Variants in NAV2 observed in about 807,000 individuals in gnomAD.
NAV2 encodes neuron navigator 2, also known as helicase, APC down-regulated 1.
Under a neutral mutation model 223.2 loss-of-function variants are expected in NAV2, and 54 were observed. The ratio of observed to expected loss-of-function variants is 0.24; its 90% CI spans 0.19 to 0.30. The LOEUF (loss-of-function observed/expected upper bound fraction) is 0.30. Ranked by LOEUF, NAV2 falls within the 10% of genes least tolerant of loss-of-function variation. The pLI, the probability that NAV2 is intolerant of heterozygous loss-of-function variation, is 1.00. For missense variants in NAV2, 2,806 were observed against 3,147.5 expected (o/e 0.89, Z 2.60); for synonymous variants, 1,279 against 1,239.3 (o/e 1.03, Z -0.67).
At chr11:19,655,742 TGGGGTGG>T (rs2048105476) in intron 1 of NAV2, among the ~76,000 whole-genome samples, 1 of 75,014 alleles carries the variant, frequency 1.3e-5, no homozygotes, top group Non-Finnish European at 2.4e-5. Context: ...GGGCCTGTTT[TGGGGTGG>T]GGGGAGGGGG....
intron 1 of NAV2, among the ~76,000 whole-genome samples, chr11:19,773,248 C>T (rs543031522): frequency 5.3e-5 from 8 of 152,270 alleles, no homozygotes; most frequent in African/African-American, 1.9e-4. Context: ...AGTGATTGAA[C>T]GATGTGGGAC....
At chr11:20,056,685 G>T (rs1353456436) in intron 19 of NAV2, 1 of 1,144,078 alleles carries the variant, frequency 8.7e-7, no homozygotes, top group East Asian at 2.4e-5. Flanking sequence ...TGAAGATGGG[G>T]CTGATGGGAC....
intron 1 of NAV2, among the ~76,000 whole-genome samples, chr11:19,527,971 C>A (rs2043896901): frequency 6.7e-6 from 1 of 149,462 alleles, no homozygotes; most frequent in Non-Finnish European, 1.5e-5. Flanking sequence ...CACACACACA[C>A]AATCCTGGGA....
intron 1 of NAV2, among the ~76,000 whole-genome samples, chr11:19,608,532 T>C (rs2046542877): frequency 6.6e-6 from 1 of 152,260 alleles, no homozygotes; most frequent in African/African-American, 2.4e-5. Flanking sequence ...TGACAGTGTT[T>C]ATTTATTTTG....
chr11:19,362,735 G>T (rs974807346), intron 1 of NAV2, among the ~76,000 whole-genome samples: 26 of 152,202 alleles, frequency 1.7e-4, no homozygotes, highest in Middle Eastern at 3.4e-3. Context: ...TCTTCTCTGT[G>T]CCTCAGTTTC....
intron 1 of NAV2, among the ~76,000 whole-genome samples, chr11:19,412,736 C>T (rs187322560): frequency 1.7e-4 from 26 of 152,354 alleles, no homozygotes; most frequent in African/African-American, 6.3e-4. Context: ...AAACAGGCAG[C>T]AATCTTTGCT....
At chr11:19,534,755 C>T (rs2044133990) in intron 1 of NAV2, among the ~76,000 whole-genome samples, 1 of 152,150 alleles carries the variant, frequency 6.6e-6, no homozygotes, top group Non-Finnish European at 1.5e-5. Context: ...ACTGAGAGAC[C>T]TTGCATTCCA....
chr11:20,084,666 T>A (rs1288852326), intron 26 of NAV2, among the ~76,000 whole-genome samples: 1 of 152,084 alleles, frequency 6.6e-6, no homozygotes, highest in African/African-American at 2.4e-5. Context: ...TTAGACAAAT[T>A]ACTGAGAGAG....
intron 1 of NAV2, among the ~76,000 whole-genome samples, chr11:19,513,045 T>C (rs2043329610): frequency 6.6e-6 from 1 of 152,146 alleles, no homozygotes; most frequent in South Asian, 2.1e-4. Context: ...AGGGGCGGTG[T>C]GGAGGGCTGA....
intron 1 of NAV2, among the ~76,000 whole-genome samples, chr11:19,571,407 T>A (rs531155024): frequency 6.6e-6 from 1 of 152,202 alleles, no homozygotes. Flanking sequence ...GTCACTGAAT[T>A]GTACACTTTA....
At chr11:19,935,908 A>G (rs1224060899) in intron 7 of NAV2, among the ~76,000 whole-genome samples, 1 of 119,000 alleles carries the variant, frequency 8.4e-6, no homozygotes, top group African/African-American at 3.3e-5. Flanking sequence ...CCATGGCTGG[A>G]GTGCAGTGGC....
chr11:19,377,818 C>T (rs1848694039), intron 1 of NAV2, among the ~76,000 whole-genome samples: 1 of 152,174 alleles, frequency 6.6e-6, no homozygotes. Context: ...CATGAAAATT[C>T]CCAGGAATCC....
chr11:19,725,459 G>T (rs2051157066), intron 1 of NAV2, among the ~76,000 whole-genome samples: 1 of 152,204 alleles, frequency 6.6e-6, no homozygotes, highest in African/African-American at 2.4e-5. Context: ...GCAAAGACTT[G>T]CTGTCTAAAG....
At chr11:19,480,411 C>T (rs992738709) in intron 1 of NAV2, among the ~76,000 whole-genome samples, 28 of 152,054 alleles carry the variant, frequency 1.8e-4, no homozygotes, top group Non-Finnish European at 3.8e-4. Context: ...GATTTGGATT[C>T]CAGAAGCTTC....
chr11:19,729,249 G>A (rs537737899), intron 1 of NAV2, among the ~76,000 whole-genome samples: 39 of 152,252 alleles, frequency 2.6e-4, no homozygotes, highest in Admixed American at 2.0e-3. Flanking sequence ...CTAGAAGATG[G>A]GAGAGGAGCT....
At chr11:19,593,315 G>A (rs1590631422) in intron 1 of NAV2, among the ~76,000 whole-genome samples, 1 of 152,100 alleles carries the variant, frequency 6.6e-6, no homozygotes, top group South Asian at 2.1e-4. Context: ...ATCCATTCAG[G>A]TTGTCTGTCT....
chr11:19,774,423 C>T (rs901168808), intron 1 of NAV2, among the ~76,000 whole-genome samples: 2 of 152,246 alleles, frequency 1.3e-5, no homozygotes, highest in Non-Finnish European at 2.9e-5. Flanking sequence ...GCAATCCTCA[C>T]ACCTTGGCCT....
intron 1 of NAV2, among the ~76,000 whole-genome samples, chr11:19,388,186 A>T (rs1404064536): frequency 6.6e-6 from 1 of 152,220 alleles, no homozygotes; most frequent in Admixed American, 6.5e-5. Context: ...CAATGTGCGA[A>T]TCTTTGTATG....
intron 6 of NAV2, among the ~76,000 whole-genome samples, chr11:19,893,473 GC>G (rs2041682881): frequency 6.6e-6 from 1 of 152,078 alleles, no homozygotes; most frequent in Non-Finnish European, 1.5e-5. Flanking sequence ...CAGGAAAGCT[GC>G]CCCCTCACTC....
Sources: gnomAD v4.1 joint callset for allele counts (sites outside exome capture counted in the v4.1 genomes callset) on GRCh38, gnomAD v4.1.1 for gene constraint, MANE v1.5 for transcripts, NCBI Gene and HGNC (gene_info 2026-07-23, HGNC 2026-07-21) for gene names.